RNGTT: variants seen among roughly 807,000 people sequenced by gnomAD.
RNGTT encodes the protein RNA guanylyltransferase and 5'-phosphatase.
A neutral mutation model predicts 79.3 loss-of-function variants in RNGTT; 33 were observed. That is an observed-to-expected ratio of 0.42 (90% CI 0.32 to 0.56). RNGTT has a LOEUF of 0.56. RNGTT is among the 20% of genes least tolerant of loss of function. The probability of loss-of-function intolerance (pLI) is 0.17; values close to 1 mark genes in which losing one functional copy is unlikely to be tolerated. For missense variants in RNGTT, 497 were observed against 739.1 expected, an observed-to-expected ratio of 0.67 and a Z score of 3.80; for synonymous variants, 222 against 235.9, an observed-to-expected ratio of 0.94 and a Z score of 0.54.
intron 13 of RNGTT, among the ~76,000 whole-genome samples, chr6:88,725,727 T>A (rs1776875463): frequency 6.6e-6 from 1 of 152,054 alleles, no homozygotes; most frequent in African/African-American, 2.4e-5. Flanking sequence ...CACACAAACC[T>A]CCGGTAGTAA....
intron 14 of RNGTT, among the ~76,000 whole-genome samples, chr6:88,627,115 C>G (rs1224273504): frequency 1.3e-5 from 2 of 152,106 alleles, no homozygotes; most frequent in Admixed American, 1.3e-4. Context: ...CATACAATGA[C>G]TGGCTTATTT....
rs1562206022 is a variant in RNGTT at position 88,704,271 on chromosome 6, A to AC, written c.1440-25853_1440-25852insG. On this transcript the variant is annotated intron_variant, in intron 13 of 15. Transcript: ENST00000369485. ...CGAGACTCTGTCTCAAAAAAAAAAAAAAAAAAAAAAAAAAAGACAGACTTC... is the reference window on the plus strand; with the variant it reads ...CGAGACTCTGTCTCAAAAAAAAAAAACAAAAAAAAAAAAAAAGACAGACTTC... Among the ~76,000 whole-genome samples the AC allele has an allele frequency of 2.5e-3, 362 of 147,326 alleles. 7 individuals are homozygous for AC. Among genetic ancestry groups the AC allele is most frequent in the African/African-American group, 9.0e-3 (346 of 38,586 alleles).
At chr6:88,642,128 G>C (rs1773346568) in intron 14 of RNGTT, among the ~76,000 whole-genome samples, 1 of 152,058 alleles carries the variant, frequency 6.6e-6, no homozygotes, top group South Asian at 2.1e-4. Flanking sequence ...TAGGCTCACA[G>C]GTCAAAGCTT....
chr6:88,696,599 A>C lies in RNGTT; in HGVS notation c.1440-18180T>G, dbSNP rs1213224386. 3.5e-5 allele frequency among the ~76,000 whole-genome samples: 4 copies of C among 112,794 alleles called. No homozygotes were observed. In the East Asian group the frequency reaches 9.0e-4, roughly 25 times the overall value. The allele number at this position is 112,794 out of a possible 152,430, so 74.0% of individuals were successfully genotyped here. On this transcript the variant is annotated intron_variant, in intron 13 of 15. Transcript: ENST00000369485. ...ACTGCAGGATGAACAGAAATCCTGA[A>C]GTACACACACACACACACACACACA...
At chr6:88,703,611 G>C (rs1223513886) in intron 13 of RNGTT, among the ~76,000 whole-genome samples, 1 of 152,096 alleles carries the variant, frequency 6.6e-6, no homozygotes, top group African/African-American at 2.4e-5. Flanking sequence ...TGATGGGATT[G>C]TCCATATCTC....
At chr6:88,906,799 T>C (rs1205595386) in intron 4 of RNGTT, among the ~76,000 whole-genome samples, 1 of 152,082 alleles carries the variant, frequency 6.6e-6, no homozygotes, top group African/African-American at 2.4e-5. Context: ...ACAAGATCCT[T>C]CTGACCCTCA....
At chr6:88,749,738 A>G (rs576283688) in intron 13 of RNGTT, among the ~76,000 whole-genome samples, 1 of 152,302 alleles carries the variant, frequency 6.6e-6, no homozygotes, top group East Asian at 1.9e-4. Context: ...TACCAAGAGT[A>G]TTAGTTTACC....
intron 13 of RNGTT, among the ~76,000 whole-genome samples, 195 bp downstream of exon 13, chr6:88,769,579 G>A (rs961256650): frequency 2.0e-5 from 3 of 152,184 alleles, no homozygotes; most frequent in African/African-American, 4.8e-5. Context: ...CTATATGTTA[G>A]CTGACACAGG....
At chr6:88,888,046 G>A (rs962189184) in intron 8 of RNGTT, among the ~76,000 whole-genome samples, 11 of 152,136 alleles carry the variant, frequency 7.2e-5, no homozygotes, top group Non-Finnish European at 1.5e-4. Flanking sequence ...GAGCCCAGGA[G>A]GTCAAGGTTG....
intron 11 of RNGTT, among the ~76,000 whole-genome samples, chr6:88,816,166 G>T (rs1426605558): frequency 2.6e-5 from 4 of 152,102 alleles, no homozygotes; most frequent in African/African-American, 7.2e-5. Flanking sequence ...GTAATTACAT[G>T]GTTCACTGGG....
At chr6:88,815,551 G>A (rs542921816) in intron 11 of RNGTT, among the ~76,000 whole-genome samples, 1 of 152,142 alleles carries the variant, frequency 6.6e-6, no homozygotes, top group South Asian at 2.1e-4. Context: ...AGGACCATGC[G>A]GTTGGCCTAA....
chr6:88,632,820 A>G (rs1014628741), intron 14 of RNGTT, among the ~76,000 whole-genome samples: 3 of 152,206 alleles, frequency 2.0e-5, no homozygotes, highest in Non-Finnish European at 4.4e-5. Flanking sequence ...CTTGAATTTT[A>G]TAAACAATAA....
chr6:88,769,664 T>G (rs1582438457), intron 13 of RNGTT, 110 bp downstream of exon 13: 2 of 557,230 alleles, frequency 3.6e-6, no homozygotes, highest in Middle Eastern at 4.8e-4. Flanking sequence ...TAAAGTATTT[T>G]AGTTTCTTTC....
chr6:88,963,395 CTTG>C lies in RNGTT; in HGVS notation c.12_14del (p.Asn4del), dbSNP rs754650468. ...GACAGTTCAGCCACCGCGGCGGGAT[CTTG>C]TTGTGAGCCATGTCTTGGGGCTGCG... On this transcript the variant is annotated inframe_deletion, in exon 1 of 16. Transcript: ENST00000369485. 6 of 1,608,854 alleles carry C rather than the reference CTTG, an allele frequency of 3.7e-6. No individual in the cohort carries two copies. Among genetic ancestry groups the C allele is most frequent in the African/African-American group, 2.7e-5 (2 of 74,588 alleles).
chr6:88,771,233 T>G (rs1430323667), intron 12 of RNGTT, among the ~76,000 whole-genome samples: 1 of 149,340 alleles, frequency 6.7e-6, no homozygotes, highest in Non-Finnish European at 1.5e-5. Flanking sequence ...TTTCAGCTGT[T>G]ATTTTTAGGT....
intron 14 of RNGTT, among the ~76,000 whole-genome samples, chr6:88,670,192 G>T (rs943066285): frequency 6.6e-6 from 1 of 152,196 alleles, no homozygotes; most frequent in African/African-American, 2.4e-5. Flanking sequence ...GACAAAGCTA[G>T]CACATATGCC....
chr6:88,934,528 T>G (rs1784608583), intron 2 of RNGTT, among the ~76,000 whole-genome samples: 1 of 152,232 alleles, frequency 6.6e-6, no homozygotes, highest in African/African-American at 2.4e-5. Flanking sequence ...TCCTGTTGTT[T>G]CCAGTTCTTT....
chr6:88,875,542 T>G (rs564415628), intron 8 of RNGTT, among the ~76,000 whole-genome samples: 9 of 152,148 alleles, frequency 5.9e-5, no homozygotes, highest in Non-Finnish European at 1.3e-4. Context: ...GCAAAAAGGA[T>G]TCTGGGCTCT....
At chr6:88,795,036 T>C (rs184870901) in intron 12 of RNGTT, among the ~76,000 whole-genome samples, 8 of 152,270 alleles carry the variant, frequency 5.3e-5, no homozygotes, top group Admixed American at 2.0e-4. Flanking sequence ...TAGGCTGTCA[T>C]GGAAGGAAAG....
Sources: allele counts gnomAD v4.1 joint callset (sites outside exome capture counted in the v4.1 genomes callset), GRCh38; gene constraint gnomAD v4.1.1; transcripts MANE v1.5; gene names NCBI Gene and HGNC (gene_info 2026-07-23, HGNC 2026-07-21).